The following ZNF407 variants were observed in gnomAD, a reference collection of about 807,000 sequenced individuals.
The protein encoded by ZNF407 is zinc finger protein 407.
Under a neutral mutation model 131.2 loss-of-function variants are expected in ZNF407, and 17 were observed. That is an observed-to-expected ratio of 0.13 (90% confidence interval 0.09 to 0.19). The LOEUF (loss-of-function observed/expected upper bound fraction) is 0.19. Among genes scored for constraint, ZNF407 ranks in the 10% least tolerant of loss-of-function variants. ZNF407 has a pLI of 1.00. For synonymous variants in ZNF407, 1,156 were observed against 1,062.0 expected (o/e 1.09, Z -1.72); for missense variants, 2,681 against 2,830.6 (o/e 0.95, Z 1.20).
At chr18:75,014,384 C>A (rs1438790558) in intron 8 of ZNF407, among the ~76,000 whole-genome samples, 1 of 152,002 alleles carries the variant, frequency 6.6e-6, no homozygotes, top group Non-Finnish European at 1.5e-5. Flanking sequence ...CGAGTGCCCC[C>A]ATGTTAATTT....
intron 8 of ZNF407, among the ~76,000 whole-genome samples, chr18:74,939,422 G>A (rs1374440041): frequency 6.6e-6 from 1 of 152,158 alleles, no homozygotes; most frequent in African/African-American, 2.4e-5. Flanking sequence ...GATCAGAAGT[G>A]AAATGTAAAA....
At chr18:74,779,327 G>A (rs1225813905) in intron 3 of ZNF407, among the ~76,000 whole-genome samples, 2 of 151,272 alleles carry the variant, frequency 1.3e-5, no homozygotes, top group Non-Finnish European at 2.9e-5. Context: ...TGTTAGCCAG[G>A]ATGGTCTCAA....
At position 74,597,942 on chromosome 18, in the gene ZNF407, G is replaced by T. The variant is rs953025324; in HGVS notation, c.-54+5G>T. 1 of 152,424 alleles carries T rather than the reference G, an allele frequency of 6.6e-6. No homozygotes were observed. Among genetic ancestry groups the T allele is most frequent in the Non-Finnish European group, 1.5e-5 (1 of 68,050 alleles). 9.4% of individuals were successfully genotyped at this position (152,424 alleles called of 1,614,324 possible). ...AGCGATTCCGTCGCCAAACAGGTAA[G>T]TTATTCTCTGGCCGGGGCGGGGGGT... is the stretch of plus-strand genomic sequence containing the variant. On this transcript the variant is annotated splice_donor_5th_base_variant and intron_variant, in intron 1 of 8. Transcript: ENST00000299687.
At chr18:75,047,229 C>T (rs537525992) in intron 8 of ZNF407, among the ~76,000 whole-genome samples, 16 of 151,966 alleles carry the variant, frequency 1.1e-4, no homozygotes, top group East Asian at 1.9e-4. Context: ...ACTAGCAGGA[C>T]GATGTCAAAA....
chr18:74,627,851 G>T (rs1020895496), intron 1 of ZNF407, among the ~76,000 whole-genome samples: 3 of 16,848 alleles, frequency 1.8e-4, no homozygotes, highest in South Asian at 2.6e-3. Context: ...ACCCCGCCCC[G>T]CCCCGCCCCG....
At chr18:74,863,885 G>A (rs188001466) in intron 4 of ZNF407, among the ~76,000 whole-genome samples, 1 of 152,058 alleles carries the variant, frequency 6.6e-6, no homozygotes, top group South Asian at 2.1e-4. Flanking sequence ...TGGTTTTATA[G>A]TATTATAAAG....
intron 4 of ZNF407, among the ~76,000 whole-genome samples, chr18:74,812,316 C>G (rs1277790609): frequency 1.3e-5 from 2 of 152,174 alleles, no homozygotes; most frequent in Non-Finnish European, 2.9e-5. Context: ...ATACATAGCA[C>G]ACAAACTACT....
At chr18:74,738,898 A>T in intron 3 of ZNF407, among the ~76,000 whole-genome samples, 1 of 152,218 alleles carries the variant, frequency 6.6e-6, no homozygotes, top group Non-Finnish European at 1.5e-5. Flanking sequence ...GGAGATTTGA[A>T]AAGATATATA....
intron 4 of ZNF407, among the ~76,000 whole-genome samples, chr18:74,783,099 T>C (rs996326052): frequency 2.6e-5 from 4 of 152,240 alleles, no homozygotes; most frequent in African/African-American, 9.6e-5. Flanking sequence ...ATATTTGTAA[T>C]TGCTATGTTT....
At chr18:74,699,086 G>GT (rs896160382) in intron 3 of ZNF407, among the ~76,000 whole-genome samples, 5 of 151,986 alleles carry the variant, frequency 3.3e-5, no homozygotes, top group African/African-American at 7.3e-5. Flanking sequence ...CCTTTCCCAG[G>GT]TTTTTTCTGA....
At chr18:74,713,358 C>CTTTTTTTTTTT (rs5826345) in intron 3 of ZNF407, among the ~76,000 whole-genome samples, 1 of 84,476 alleles carries the variant, frequency 1.2e-5, no homozygotes, top group African/African-American at 3.9e-5. Context: ...ATTTTAGCAT[C>CTTTTTTTTTTT]TTTTTTTTTT....
intron 4 of ZNF407, among the ~76,000 whole-genome samples, chr18:74,791,450 G>T (rs1297952717): frequency 1.3e-5 from 2 of 152,074 alleles, no homozygotes; most frequent in Admixed American, 1.3e-4. Context: ...ACATAGCATT[G>T]GGCAGTAAGC....
At chr18:75,022,083 A>C (rs908844972) in intron 8 of ZNF407, among the ~76,000 whole-genome samples, 4 of 152,160 alleles carry the variant, frequency 2.6e-5, no homozygotes, top group African/African-American at 9.7e-5. Context: ...AATGTCTGGA[A>C]AGGTATTTAT....
intron 8 of ZNF407, among the ~76,000 whole-genome samples, chr18:75,016,867 GT>G (rs1973050614): frequency 6.6e-6 from 1 of 152,108 alleles, no homozygotes; most frequent in Admixed American, 6.5e-5. Context: ...TAGAGAAGGA[GT>G]CCCAGCATTT....
At chr18:74,983,686 A>T in intron 8 of ZNF407, among the ~76,000 whole-genome samples, 1 of 152,316 alleles carries the variant, frequency 6.6e-6, no homozygotes, top group African/African-American at 2.4e-5. Context: ...AATGAACAGG[A>T]GTTGTGGCTT....
At chr18:74,852,525 A>G (rs1055823865) in intron 4 of ZNF407, among the ~76,000 whole-genome samples, 3 of 152,070 alleles carry the variant, frequency 2.0e-5, no homozygotes, top group African/African-American at 4.8e-5. Flanking sequence ...ATTTCTGAGC[A>G]AGTTTTCTCA....
intron 8 of ZNF407, among the ~76,000 whole-genome samples, chr18:74,929,513 AG>A (rs1338723552): frequency 6.6e-6 from 1 of 152,248 alleles, no homozygotes; most frequent in African/African-American, 2.4e-5. Context: ...TGATTTTATC[AG>A]GTAATTGATG....
chr18:74,824,598 A>C (rs1970384283), intron 4 of ZNF407, among the ~76,000 whole-genome samples: 1 of 152,216 alleles, frequency 6.6e-6, no homozygotes, highest in Non-Finnish European at 1.5e-5. Context: ...TACACAAATA[A>C]ACTAGAAAAT....
intron 3 of ZNF407, among the ~76,000 whole-genome samples, chr18:74,734,486 A>G (rs1274979505): frequency 2.0e-5 from 3 of 152,194 alleles, no homozygotes; most frequent in South Asian, 2.1e-4. Context: ...TATCTGTAGT[A>G]TGATAGTTTT....
Sources: gnomAD v4.1 joint callset for allele counts (sites outside exome capture counted in the v4.1 genomes callset) on GRCh38, gnomAD v4.1.1 for gene constraint, MANE v1.5 for transcripts, NCBI Gene and HGNC (gene_info 2026-07-23, HGNC 2026-07-21) for gene names.